ASTN2: variants seen among roughly 807,000 people sequenced by gnomAD.
ASTN2 encodes astrotactin-2.
ASTN2 carries 54 observed loss-of-function variants against 139.8 expected under a neutral mutation model. That is an observed-to-expected ratio of 0.39 (90% confidence interval 0.31 to 0.48). ASTN2 has a LOEUF of 0.48. Ranked by LOEUF, ASTN2 falls within the 20% of genes least tolerant of loss-of-function variation. The pLI, the probability that ASTN2 is intolerant of heterozygous loss-of-function variation, is 0.95. For missense variants in ASTN2, 1,565 were observed against 1,725.1 expected (o/e 0.91, Z 1.64); for synonymous variants, 756 against 719.5 (o/e 1.05, Z -0.81).
intron 19 of ASTN2, among the ~76,000 whole-genome samples, chr9:116,606,270 G>T (rs926611091): frequency 1.3e-5 from 2 of 152,178 alleles, no homozygotes; most frequent in Non-Finnish European, 2.9e-5. Flanking sequence ...CCGAGCGATG[G>T]CTTCTCTGAA....
At chr9:117,340,765 A>G (rs1173320668) in intron 1 of ASTN2, among the ~76,000 whole-genome samples, 1 of 152,188 alleles carries the variant, frequency 6.6e-6, no homozygotes, top group Non-Finnish European at 1.5e-5. Flanking sequence ...CTTTATGTCT[A>G]TGTGATGAGG....
intron 19 of ASTN2, chr9:116,545,653 A>G (rs1325348471): frequency 6.8e-6 from 1 of 147,840 alleles, no homozygotes; most frequent in Non-Finnish European, 1.5e-5. Flanking sequence ...CTTAAAATCC[A>G]ATGTTTTCAT....
At position 117,386,401 on chromosome 9, in the gene ASTN2, C is replaced by T. The variant is rs1830401146; in HGVS notation, c.442+28096G>A. 2.0e-5 allele frequency among the ~76,000 whole-genome samples: 3 copies of T among 152,266 alleles called. 1 individual carries two copies. In the South Asian group the frequency reaches 6.2e-4, roughly 32 times the overall value. On this transcript the variant is annotated intron_variant, in intron 1 of 22. Transcript: ENST00000313400. ...AGTCAGGAAGACATGGATATGTACCCATTCTGCTGCCATGGTCTGACAAGT... is the reference window on the plus strand; with the variant it reads ...AGTCAGGAAGACATGGATATGTACCTATTCTGCTGCCATGGTCTGACAAGT...
At chr9:117,263,186 C>CT (rs1295792313) in intron 2 of ASTN2, among the ~76,000 whole-genome samples, 1 of 152,110 alleles carries the variant, frequency 6.6e-6, no homozygotes, top group Non-Finnish European at 1.5e-5. Flanking sequence ...AGAAGGACTC[C>CT]TTTTTTTCTC....
intron 10 of ASTN2, among the ~76,000 whole-genome samples, chr9:116,896,809 A>G (rs11788276): frequency 0.16 from 24,548 of 152,064 alleles, 2,748 homozygotes; most frequent in East Asian, 0.33. Flanking sequence ...TCACTCATTT[A>G]CCATCATGAG....
chr9:116,750,070 T>C (rs916377181), intron 13 of ASTN2, among the ~76,000 whole-genome samples: 1 of 152,178 alleles, frequency 6.6e-6, no homozygotes, highest in African/African-American at 2.4e-5. Flanking sequence ...TCTCTCTCCT[T>C]CTGCAGCTCC....
intron 4 of ASTN2, among the ~76,000 whole-genome samples, chr9:117,104,890 G>T (rs181729492): frequency 1.3e-5 from 2 of 152,104 alleles, no homozygotes; most frequent in African/African-American, 4.8e-5. Flanking sequence ...CATCTCAGAG[G>T]GGGATCATTC....
Position 116,699,480 on chromosome 9 carries a change from G to C in ASTN2, c.2806+26291C>G, listed in dbSNP as rs1354577068. 5.0e-6 allele frequency: 8 copies of C among 1,614,202 alleles called. No individual in the cohort carries two copies. The stretch of plus-strand genomic sequence containing the variant: ...GAATGAGGATTTCCGCTGCATTGCT[G>C]GCATGTGTGTGGATGCTCGTGGTGA... On this transcript the variant is annotated intron_variant, in intron 16 of 22. Coordinates refer to ENST00000313400, the MANE Select transcript of ASTN2 (RefSeq NM_001365068.1). This position sits in a 1 kb window ranked among gnomAD's most constrained non-coding sequence, Gnocchi z 4.2.
chr9:116,917,399 G>A (rs1834479093), intron 10 of ASTN2, among the ~76,000 whole-genome samples: 2 of 151,984 alleles, frequency 1.3e-5, no homozygotes, highest in Non-Finnish European at 2.9e-5. Context: ...TCATGATTGA[G>A]CCCCCCGTTC....
intron 10 of ASTN2, among the ~76,000 whole-genome samples, chr9:116,884,644 C>T (rs1017805249): frequency 6.6e-6 from 1 of 152,048 alleles, no homozygotes; most frequent in Non-Finnish European, 1.5e-5. Flanking sequence ...TGCACTCCAG[C>T]CTGGGTGACA....
At position 116,843,291 on chromosome 9, in the gene ASTN2, T is replaced by A. The variant is rs113472883; in HGVS notation, c.2040+20292A>T. On this transcript the variant is annotated intron_variant, in intron 11 of 22. Coordinates refer to ENST00000313400, the MANE Select transcript of ASTN2 (RefSeq NM_001365068.1). Reference sequence around the variant, plus strand: ...ATCATGTCCTTTGCAGCAATATGGATGCAGCTGGAGGCCATTATCCTAAGC... The same window carrying A: ...ATCATGTCCTTTGCAGCAATATGGAAGCAGCTGGAGGCCATTATCCTAAGC... Among the ~76,000 whole-genome samples, 794 of 152,326 alleles carry A rather than the reference T, an allele frequency of 5.2e-3. 5 individuals carry two copies. Among genetic ancestry groups the A allele is most frequent in the African/African-American group, 0.018 (729 of 41,574 alleles).
chr9:117,177,903 G>A (rs1489741021), intron 3 of ASTN2, among the ~76,000 whole-genome samples: 1 of 152,052 alleles, frequency 6.6e-6, no homozygotes, highest in Non-Finnish European at 1.5e-5. Context: ...TGCCTCATTT[G>A]TTCCACACTC....
At chr9:117,229,261 C>A (rs1389206471) in intron 2 of ASTN2, among the ~76,000 whole-genome samples, 1 of 152,276 alleles carries the variant, frequency 6.6e-6, no homozygotes, top group East Asian at 1.9e-4. Flanking sequence ...TCCCCGCCCC[C>A]AAGCCCTACC....
At chr9:117,239,152 C>A (rs35623509) in intron 2 of ASTN2, among the ~76,000 whole-genome samples, 5 of 152,032 alleles carry the variant, frequency 3.3e-5, no homozygotes, top group Admixed American at 3.3e-4. Context: ...TTTGGGGAAC[C>A]AAGAGGCCCT....
At chr9:117,393,323 G>T (rs190352478) in intron 1 of ASTN2, among the ~76,000 whole-genome samples, 1 of 152,206 alleles carries the variant, frequency 6.6e-6, no homozygotes, top group East Asian at 1.9e-4. Flanking sequence ...GATTGTTGGG[G>T]ACAGAGAGAC....
chr9:116,500,693 C>T (rs1228198585), intron 19 of ASTN2, among the ~76,000 whole-genome samples: 2 of 152,160 alleles, frequency 1.3e-5, no homozygotes, highest in African/African-American at 2.4e-5. Flanking sequence ...TCTTTTTAAG[C>T]CTCATTTTCC....
intron 2 of ASTN2, among the ~76,000 whole-genome samples, chr9:117,231,219 T>C (rs1333081231): frequency 6.6e-6 from 1 of 152,216 alleles, no homozygotes; most frequent in African/African-American, 2.4e-5. Flanking sequence ...TGCTGAGTGA[T>C]GAAAACCATA....
chr9:116,781,191 A>G (rs937187443), intron 13 of ASTN2, among the ~76,000 whole-genome samples: 8 of 152,150 alleles, frequency 5.3e-5, no homozygotes, highest in African/African-American at 1.9e-4. Flanking sequence ...TTTTGCAGAA[A>G]GGAGGGAGAA....
intron 20 of ASTN2, among the ~76,000 whole-genome samples, chr9:116,477,082 C>A (rs775683788): frequency 6.6e-6 from 1 of 152,096 alleles, no homozygotes; most frequent in Non-Finnish European, 1.5e-5. Flanking sequence ...GTGCCCTGTC[C>A]CTCTGGAACC....
Sources: gnomAD v4.1 joint callset for allele counts (sites outside exome capture counted in the v4.1 genomes callset) on GRCh38, gnomAD v4.1.1 for gene constraint, Gnocchi (gnomAD v3.1) non-coding constraint, MANE v1.5 for transcripts, NCBI Gene and HGNC (gene_info 2026-07-23, HGNC 2026-07-21) for gene names.